The following PPM1D variants were observed in gnomAD, a reference collection of about 807,000 sequenced individuals.
PPM1D encodes the protein protein phosphatase, Mg2+/Mn2+ dependent 1D.
PPM1D carries 52 observed loss-of-function variants against 58.3 expected under a neutral mutation model. The ratio of observed to expected loss-of-function variants is 0.89; its 90% CI spans 0.71 to 1.12. The LOEUF (loss-of-function observed/expected upper bound fraction) is 1.12. Ranked by LOEUF, PPM1D falls within the 50% of genes most tolerant of loss-of-function variation. PPM1D has a pLI of 0.00. For missense variants in PPM1D, 564 were observed against 777.2 expected (o/e 0.73, Z 3.26); for synonymous variants, 278 against 285.1 (o/e 0.98, Z 0.25).
chr17:60,615,513 G>A (rs2030564558), intron 1 of PPM1D, among the ~76,000 whole-genome samples: 2 of 151,046 alleles, frequency 1.3e-5, no homozygotes, highest in South Asian at 4.2e-4. Flanking sequence ...AAAATATAAA[G>A]TAGGAAATAA....
chr17:60,605,047 CTT>C (rs1351543000), intron 1 of PPM1D, among the ~76,000 whole-genome samples: 2 of 152,212 alleles, frequency 1.3e-5, no homozygotes, highest in African/African-American at 4.8e-5. Context: ...GTCTTGAACT[CTT>C]GACCTCAAGT....
At chr17:60,608,454 A>G (rs1459578022) in intron 1 of PPM1D, among the ~76,000 whole-genome samples, 2 of 152,068 alleles carry the variant, frequency 1.3e-5, no homozygotes, top group Admixed American at 6.6e-5. Flanking sequence ...GAGGTCAAGA[A>G]CCTGATGAAA....
At chr17:60,611,672 G>C (rs557204469) in intron 1 of PPM1D, among the ~76,000 whole-genome samples, 3 of 152,208 alleles carry the variant, frequency 2.0e-5, no homozygotes, top group East Asian at 3.9e-4. Context: ...ACCTGCCTCG[G>C]CCTCCCAAAG....
chr17:60,623,479 GT>G, intron 1 of PPM1D, 41 bp from the exon 2 acceptor site: 1 of 1,561,236 alleles, frequency 6.4e-7, no homozygotes, highest in African/African-American at 1.4e-5. Flanking sequence ...GTGTATTAAT[GT>G]TTATACTTGC....
chr17:60,639,531 G>A (rs1479666893), intron 3 of PPM1D, among the ~76,000 whole-genome samples: 2 of 151,700 alleles, frequency 1.3e-5, no homozygotes, highest in African/African-American at 2.4e-5. Context: ...TCCGCCTTCC[G>A]GGTTCAAGCG....
chr17:60,607,079 C>T (rs1027071094), intron 1 of PPM1D, among the ~76,000 whole-genome samples: 3 of 151,672 alleles, frequency 2.0e-5, no homozygotes, highest in African/African-American at 7.3e-5. Context: ...GTCTTCCCAG[C>T]TTGGCCTCCC....
chr17:60,613,999 C>T (rs572980235), intron 1 of PPM1D, among the ~76,000 whole-genome samples: 3 of 151,804 alleles, frequency 2.0e-5, no homozygotes, highest in East Asian at 1.9e-4. Flanking sequence ...CTGAGGAGTG[C>T]GGGCCCAAGG....
intron 5 of PPM1D, among the ~76,000 whole-genome samples, chr17:60,661,858 C>T (rs1173916534): frequency 6.6e-6 from 1 of 152,128 alleles, no homozygotes; most frequent in Non-Finnish European, 1.5e-5. Context: ...ACTACATACT[C>T]AGAAATTAGA....
chr17:60,620,191 G>T (rs1400248205), intron 1 of PPM1D, among the ~76,000 whole-genome samples: 1 of 151,880 alleles, frequency 6.6e-6, no homozygotes, highest in Admixed American at 6.6e-5. Flanking sequence ...TAGAGACGGG[G>T]TTTCACCGTG....
At chr17:60,629,606 C>T (rs1248838494) in intron 2 of PPM1D, among the ~76,000 whole-genome samples, 1 of 152,120 alleles carries the variant, frequency 6.6e-6, no homozygotes, top group Non-Finnish European at 1.5e-5. Flanking sequence ...AGAATTCTTC[C>T]ATATATTTGG....
intron 3 of PPM1D, among the ~76,000 whole-genome samples, chr17:60,636,986 T>TA (rs1555646789): frequency 9.9e-5 from 15 of 151,052 alleles, no homozygotes; most frequent in East Asian, 7.8e-4. Context: ...TTTTTTTTTT[T>TA]AGACAGAATT....
chr17:60,613,527 C>G (rs1044290462), intron 1 of PPM1D, among the ~76,000 whole-genome samples: 1 of 152,268 alleles, frequency 6.6e-6, no homozygotes, highest in Admixed American at 6.5e-5. Flanking sequence ...TTGAGGAGCC[C>G]TTCAGCCCGC....
At chr17:60,637,619 T>C (rs1598407834) in intron 3 of PPM1D, among the ~76,000 whole-genome samples, 1 of 152,082 alleles carries the variant, frequency 6.6e-6, no homozygotes, top group African/African-American at 2.4e-5. Flanking sequence ...AGCTTTCAAT[T>C]TGGGGGAGCC....
chr17:60,600,741 G>C lies in PPM1D; in HGVS notation c.327G>C (p.Gly109=). 2 of 1,611,038 alleles carry C rather than the reference G, an allele frequency of 1.2e-6. No individual in the cohort carries two copies. Among genetic ancestry groups the C allele is most frequent in the Non-Finnish European group, 8.5e-7 (1 of 1,179,298 alleles). Residue 109 remains glycine (G), a synonymous_variant, in exon 1 of 6, where the codon GGG becomes GGC. Transcript: ENST00000305921. The part of the protein sequence containing the change: ...AFFAVCDGHG[G]REAAQFAREH... ...TCGCCGTGTGCGACGGGCACGGCGG[G>C]CGGGAGGCGGCACAGTTTGCCCGGG... is the stretch of plus-strand genomic sequence containing the variant.
At position 60,666,196 on chromosome 17, in the gene PPM1D, ATCTTC is replaced by A. The variant is rs2031613932; in HGVS notation, c.*2645_*2649del. The A allele has an allele frequency of 7.2e-5, 11 of 152,340 alleles. No individual in the cohort carries two copies. The South Asian group carries it at 2.3e-3, about 32-fold the overall frequency. The allele number at this position is 152,340 out of a possible 1,614,324, so 9.4% of individuals were successfully genotyped here. On this transcript the variant is annotated 3_prime_UTR_variant, in exon 6 of 6. Coordinates refer to ENST00000305921, the MANE Select transcript of PPM1D (RefSeq NM_003620.4). ...AGCATTAATGAACAATGTTATTTTC[ATCTTC>A]CAGACATCTGGAAGATTGCTCTAGT...
chr17:60,611,841 GT>G (rs2030461661), intron 1 of PPM1D, among the ~76,000 whole-genome samples: 1 of 152,104 alleles, frequency 6.6e-6, no homozygotes, highest in Non-Finnish European at 1.5e-5. Context: ...TTAAACTTAT[GT>G]AATTTTATTA....
chr17:60,606,245 T>C (rs1183612606), intron 1 of PPM1D, among the ~76,000 whole-genome samples: 6 of 152,342 alleles, frequency 3.9e-5, no homozygotes, highest in African/African-American at 1.4e-4. Flanking sequence ...CTGAATAATA[T>C]CCCATCATAT....
chr17:60,612,074 T>C (rs1299797447), intron 1 of PPM1D, among the ~76,000 whole-genome samples: 1 of 151,974 alleles, frequency 6.6e-6, no homozygotes, highest in African/African-American at 2.4e-5. Context: ...AGAGGTATAA[T>C]TGACATACAA....
At chr17:60,636,702 T>C (rs965908545) in intron 3 of PPM1D, among the ~76,000 whole-genome samples, 2 of 147,772 alleles carry the variant, frequency 1.4e-5, no homozygotes, top group Non-Finnish European at 3.0e-5. Context: ...AATTTTTCTC[T>C]TTTTTTTTTG....
Sources: gnomAD v4.1 joint callset for allele counts (sites outside exome capture counted in the v4.1 genomes callset) on GRCh38, gnomAD v4.1.1 for gene constraint, MANE v1.5 for transcripts, NCBI Gene and HGNC (gene_info 2026-07-23, HGNC 2026-07-21) for gene names.